LMX1B: variants seen among roughly 807,000 people sequenced by gnomAD.
LMX1B encodes the protein LIM homeobox transcription factor 1 beta.
Under a neutral mutation model 51.4 loss-of-function variants are expected in LMX1B, and 12 were observed. That is an observed-to-expected ratio of 0.23 (90% CI 0.15 to 0.38). The LOEUF is 0.38. Ranked by LOEUF, LMX1B falls within the 10% of genes least tolerant of loss-of-function variation. LMX1B has a pLI of 1.00. For synonymous variants in LMX1B, 237 were observed against 235.4 expected (o/e 1.01, Z -0.06); for missense variants, 445 against 571.1 (o/e 0.78, Z 2.25).
rs367751230 is a variant in LMX1B, at chr9:126,693,510, T to C, written c.742-14T>C. 5 of 1,613,502 alleles carry C rather than the reference T, an allele frequency of 3.1e-6. No individual in the cohort carries two copies. Among genetic ancestry groups the C allele is most frequent in the South Asian group, 1.1e-5 (1 of 91,054 alleles). On this transcript the variant is annotated splice_polypyrimidine_tract_variant and intron_variant, in intron 4 of 7. Transcript: ENST00000373474. ...CCCTGGAGGGCCTGACCTGTTCCCCTCTCTCTGAGCCAGGTCCGAGAGACA... is the reference window on the plus strand; with the variant it reads ...CCCTGGAGGGCCTGACCTGTTCCCCCCTCTCTGAGCCAGGTCCGAGAGACA...
Position 126,618,992 on chromosome 9 carries a change from G to A in LMX1B, c.326+3423G>A, listed in dbSNP as rs996015205. Among the ~76,000 whole-genome samples, 2 of 151,996 alleles carry A rather than the reference G, an allele frequency of 1.3e-5. No homozygotes were observed. Among genetic ancestry groups the A allele is most frequent in the Non-Finnish European group, 2.9e-5 (2 of 67,978 alleles). On this transcript the variant is annotated intron_variant, in intron 2 of 7. Transcript: ENST00000373474. This position sits in a 1 kb window ranked among gnomAD's most constrained non-coding sequence, Gnocchi z 4.5. ...GGCCGCGGCGTCCTTCCGCCCGCAG[G>A]GCCTGCCCGGGCGGCCGAGCCTCTC...
intron 2 of LMX1B, among the ~76,000 whole-genome samples, chr9:126,636,632 G>A (rs1347053999): frequency 6.6e-6 from 1 of 152,102 alleles, no homozygotes; most frequent in African/African-American, 2.4e-5. Flanking sequence ...GGAAAGGGGC[G>A]CTACAAGGTA....
chr9:126,621,982 C>A (rs927688450), intron 2 of LMX1B, among the ~76,000 whole-genome samples: 3 of 152,184 alleles, frequency 2.0e-5, no homozygotes, highest in East Asian at 1.9e-4. Context: ...AAATAAATTT[C>A]TGCGTGGGCC....
At chr9:126,672,978 T>A (rs1483776242) in intron 2 of LMX1B, among the ~76,000 whole-genome samples, 1 of 152,250 alleles carries the variant, frequency 6.6e-6, no homozygotes, top group Non-Finnish European at 1.5e-5. Context: ...GCCGCCCACC[T>A]GTGGACTCCT....
chr9:126,682,342 G>A lies in LMX1B; in HGVS notation c.327-8494G>A, dbSNP rs115361319. On this transcript the variant is annotated intron_variant, in intron 2 of 7. Transcript: ENST00000373474. ...GTGTGTCTCATTCATGCCTCTGACTGTCCCTTCTAAAGCTGCAGCCCCATC... is the reference window on the plus strand; with the variant it reads ...GTGTGTCTCATTCATGCCTCTGACTATCCCTTCTAAAGCTGCAGCCCCATC... 8.6e-3 allele frequency among the ~76,000 whole-genome samples: 1,315 copies of A among 152,066 alleles called. 17 individuals are homozygous for A. The highest frequency in any genetic ancestry group is 0.03 in the African/African-American group (1,257 of 41,466).
intron 2 of LMX1B, among the ~76,000 whole-genome samples, chr9:126,650,011 T>C (rs1419168861): frequency 6.6e-6 from 1 of 152,220 alleles, no homozygotes; most frequent in Non-Finnish European, 1.5e-5. Flanking sequence ...TGGCACCTGC[T>C]GTGCCTGCTG....
In LMX1B at chr9:126,673,612, C is replaced by T. The variant is rs575399030; in HGVS notation, c.327-17224C>T. ...CAGGCACCCAGCTTCACCAGGTCCCCGGGCTCTGAGACACTCCACCTCCAC... is the reference window on the plus strand; with the variant it reads ...CAGGCACCCAGCTTCACCAGGTCCCTGGGCTCTGAGACACTCCACCTCCAC... On this transcript the variant is annotated intron_variant, in intron 2 of 7. Coordinates refer to ENST00000373474, the MANE Select transcript of LMX1B (RefSeq NM_001174147.2). This position sits in a 1 kb window ranked among gnomAD's most constrained non-coding sequence, Gnocchi z 4.4. Among the ~76,000 whole-genome samples the T allele has an allele frequency of 6.6e-6, 1 of 152,190 alleles. No individual in the cohort carries two copies. Among genetic ancestry groups the T allele is most frequent in the African/African-American group, 2.4e-5 (1 of 41,536 alleles).
chr9:126,662,197 G>A (rs1050064553), intron 2 of LMX1B, among the ~76,000 whole-genome samples: 7 of 152,136 alleles, frequency 4.6e-5, no homozygotes, highest in Admixed American at 6.5e-5. Context: ...CAGGTTTCTC[G>A]TCTGTACAAA....
intron 2 of LMX1B, among the ~76,000 whole-genome samples, chr9:126,651,299 G>A (rs188245748): frequency 2.0e-5 from 3 of 151,930 alleles, no homozygotes; most frequent in South Asian, 2.1e-4. Flanking sequence ...GGAGGGACTG[G>A]GGGGGGTGGC....
chr9:126,659,986 C>CTA (rs1242497491), intron 2 of LMX1B, among the ~76,000 whole-genome samples: 5 of 78,346 alleles, frequency 6.4e-5, no homozygotes, highest in East Asian at 5.2e-4. Flanking sequence ...AAAGGTTGTC[C>CTA]TGTGTGTGTC....
chr9:126,623,797 C>A (rs1314948305), intron 2 of LMX1B, among the ~76,000 whole-genome samples: 2 of 152,162 alleles, frequency 1.3e-5, no homozygotes, highest in African/African-American at 4.8e-5. Flanking sequence ...CCCTGGCCAG[C>A]GGAAGAAAAA....
At chr9:126,682,704 G>C (rs1054537873) in intron 2 of LMX1B, among the ~76,000 whole-genome samples, 15 of 152,098 alleles carry the variant, frequency 9.9e-5, no homozygotes, top group Admixed American at 6.5e-5. Context: ...AGACCAGCCT[G>C]GCTAACATGG....
intron 2 of LMX1B, among the ~76,000 whole-genome samples, chr9:126,624,662 TC>T (rs199949447): frequency 2.0e-3 from 73 of 36,480 alleles, no homozygotes; most frequent in African/African-American, 5.8e-3. Context: ...TTTTTTTTTA[TC>T]TTGTTTTTTT....
rs984952694 is a variant in LMX1B at position 126,697,957 on chromosome 9, C to A, written c.*1506C>A. 1 of 154,174 alleles carries A rather than the reference C, an allele frequency of 6.5e-6. No homozygotes were observed. The highest frequency in any genetic ancestry group is 1.4e-5 in the Non-Finnish European group (1 of 69,480). The allele number at this position is 154,174 out of a possible 1,614,324, so 9.6% of individuals were successfully genotyped here. A position where few individuals can be genotyped will look rare whatever the true frequency, so the allele number is the denominator to read the frequency against. Reference sequence around the variant, plus strand: ...ATGGCGCGATCTCGGCTCACCACAACCTCCGCCTCCCAGGTTCAAGTGATT... The same window carrying A: ...ATGGCGCGATCTCGGCTCACCACAAACTCCGCCTCCCAGGTTCAAGTGATT... On this transcript the variant is annotated 3_prime_UTR_variant, in exon 8 of 8. Coordinates refer to ENST00000373474, the MANE Select transcript of LMX1B (RefSeq NM_001174147.2).
In LMX1B at chr9:126,615,838, T is replaced by C. The variant is rs1331906629; in HGVS notation, c.326+269T>C. 1.3e-5 allele frequency among the ~76,000 whole-genome samples: 2 copies of C among 152,188 alleles called. No individual in the cohort carries two copies. Among genetic ancestry groups the C allele is most frequent in the African/African-American group, 4.8e-5 (2 of 41,456 alleles). ...GCGCTGGGCCGGCCGAGGGATTTGG[T>C]GCCTGGGTCCTGGGATATAGGGTCT... On this transcript the variant is annotated intron_variant, in intron 2 of 7. Transcript: ENST00000373474. The surrounding 1 kb of genome is among the most constrained non-coding windows in gnomAD (Gnocchi z 6.0).
intron 2 of LMX1B, among the ~76,000 whole-genome samples, chr9:126,616,425 A>G (rs1835303948): frequency 6.6e-6 from 1 of 152,222 alleles, no homozygotes; most frequent in Non-Finnish European, 1.5e-5. Context: ...GACAGACAAC[A>G]GGACATGCAG....
intron 2 of LMX1B, among the ~76,000 whole-genome samples, chr9:126,687,580 G>A (rs142571355): frequency 6.6e-6 from 1 of 152,308 alleles, no homozygotes; most frequent in African/African-American, 2.4e-5. Flanking sequence ...GAGGTCAAAT[G>A]CCTTGCCTAA....
chr9:126,638,526 C>A (rs1332451171), intron 2 of LMX1B, among the ~76,000 whole-genome samples: 2 of 152,220 alleles, frequency 1.3e-5, no homozygotes, highest in Non-Finnish European at 2.9e-5. Context: ...GAGGGAAGAG[C>A]AAAATCGCAG....
In LMX1B at chr9:126,672,000, C is replaced by T. The variant is rs1170018164; in HGVS notation, c.327-18836C>T. 1.3e-5 allele frequency among the ~76,000 whole-genome samples: 2 copies of T among 152,238 alleles called. No homozygotes were observed. Among genetic ancestry groups the T allele is most frequent in the African/African-American group, 2.4e-5 (1 of 41,462 alleles). The stretch of plus-strand genomic sequence containing the variant: ...GATGCTCCCGAGCCCCAGCTGTGGC[C>T]GTGATGGGACCTGCCTGGGGCAGGG... On this transcript the variant is annotated intron_variant, in intron 2 of 7. Transcript: ENST00000373474. This position sits in a 1 kb window ranked among gnomAD's most constrained non-coding sequence, Gnocchi z 4.4.
Sources: allele counts gnomAD v4.1 joint callset (sites outside exome capture counted in the v4.1 genomes callset), GRCh38; gene constraint gnomAD v4.1.1; non-coding constraint Gnocchi (gnomAD v3.1); transcripts MANE v1.5; gene names NCBI Gene and HGNC (gene_info 2026-07-23, HGNC 2026-07-21).